The following STRADB variants were observed in gnomAD, a reference collection of about 807,000 sequenced individuals.
STRADB encodes the protein STE20 related adaptor beta.
In STRADB, 34 loss-of-function variants were observed where a neutral mutation model predicts 52.1. That is an observed-to-expected ratio of 0.65 (90% CI 0.50 to 0.87). The LOEUF is 0.87. Among genes scored for constraint, STRADB ranks in the 40% least tolerant of loss-of-function variants. The pLI, the probability that STRADB is intolerant of heterozygous loss-of-function variation, is 0.00. For synonymous variants in STRADB, 133 were observed against 174.5 expected (o/e 0.76, Z 1.87); for missense variants, 340 against 483.9 (o/e 0.70, Z 2.79).
intron 1 of STRADB, among the ~76,000 whole-genome samples, chr2:201,452,819 A>G (rs142457366): frequency 6.6e-6 from 1 of 152,368 alleles, no homozygotes; most frequent in Admixed American, 6.5e-5. Context: ...CTTTCAGATC[A>G]AAGTCTTCAC....
At chr2:201,471,601 T>C (rs1952390204) in intron 4 of STRADB, among the ~76,000 whole-genome samples, 1 of 152,204 alleles carries the variant, frequency 6.6e-6, no homozygotes, top group Non-Finnish European at 1.5e-5. Context: ...AACCAGATCT[T>C]TCTGACTGTA....
chr2:201,468,699 G>A (rs771010962), intron 3 of STRADB, among the ~76,000 whole-genome samples: 25 of 152,244 alleles, frequency 1.6e-4, no homozygotes, highest in South Asian at 4.1e-4. Context: ...ACATTATGCC[G>A]TTTTTTTCCA....
rs1952042608 is a variant in STRADB, at chr2:201,451,745, C to CG, written c.-289_-288insG. 5.3e-5 allele frequency: 8 copies of CG among 152,018 alleles called. No individual in the cohort carries two copies. Among genetic ancestry groups the CG allele is most frequent in the Non-Finnish European group, 7.4e-5 (5 of 67,974 alleles). 9.4% of individuals were successfully genotyped at this position (152,018 alleles called of 1,614,324 possible). On this transcript the variant is annotated 5_prime_UTR_variant, in exon 1 of 12. Transcript: ENST00000194530. ...GGCGCGGGTGGGGCGAATGCGTTCCCAGCGGGTAGCCTGGGACTGGTGCAG... is the reference window on the plus strand; with the variant it reads ...GGCGCGGGTGGGGCGAATGCGTTCCCGAGCGGGTAGCCTGGGACTGGTGCAG...
At chr2:201,469,637 A>G (rs1952358478) in intron 3 of STRADB, among the ~76,000 whole-genome samples, 2 of 152,198 alleles carry the variant, frequency 1.3e-5, no homozygotes, top group African/African-American at 4.8e-5. Flanking sequence ...TTCGCTTGGT[A>G]CATTTGTCAG....
chr2:201,479,551 G>A lies in STRADB; in HGVS notation c.1113+20G>A, dbSNP rs930317473. 6 of 1,589,082 alleles carry A rather than the reference G, an allele frequency of 3.8e-6. No homozygotes were observed. The highest frequency in any genetic ancestry group is 2.3e-5 in the East Asian group (1 of 44,196). On this transcript the variant is annotated intron_variant, in intron 11 of 11. Coordinates refer to ENST00000194530, the MANE Select transcript of STRADB (RefSeq NM_018571.6). ...AAACAGGTGAGCTGATCTATCATCC[G>A]TTGTCTCGATGTTTTTAATTACTAT...
Position 201,478,203 on chromosome 2 carries a change from T to C in STRADB, c.825+12T>C. 3 of 1,605,426 alleles carry C rather than the reference T, an allele frequency of 1.9e-6. No individual in the cohort carries two copies. Among genetic ancestry groups the C allele is most frequent in the Non-Finnish European group, 1.7e-6 (2 of 1,176,716 alleles). On this transcript the variant is annotated intron_variant, in intron 9 of 11. Coordinates refer to ENST00000194530, the MANE Select transcript of STRADB (RefSeq NM_018571.6). Reference sequence around the variant, plus strand: ...TGCATAGAACTCAGGTAAGTGCTGCTAAAATCCCTGAGCTACTTGCCTTTC... The same window carrying C: ...TGCATAGAACTCAGGTAAGTGCTGCCAAAATCCCTGAGCTACTTGCCTTTC...
chr2:201,478,025 T>C, intron 8 of STRADB, 62 bp from the exon 9 acceptor site: 2 of 1,410,442 alleles, frequency 1.4e-6, no homozygotes, highest in East Asian at 2.3e-5. Flanking sequence ...AAAAAGCACA[T>C]GTGTATAACT....
intron 3 of STRADB, among the ~76,000 whole-genome samples, chr2:201,466,917 A>G (rs1952313230): frequency 1.3e-5 from 2 of 152,202 alleles, no homozygotes; most frequent in Non-Finnish European, 2.9e-5. Context: ...AGAAACATAC[A>G]GAAAGGTATG....
intron 3 of STRADB, among the ~76,000 whole-genome samples, chr2:201,460,111 T>G (rs1448771487): frequency 6.6e-6 from 1 of 152,308 alleles, no homozygotes; most frequent in East Asian, 1.9e-4. Context: ...TAATTTTGCT[T>G]ATAATTTAAC....
chr2:201,476,108 T>A lies in STRADB; in HGVS notation c.548+366T>A, dbSNP rs540693645. Reference sequence around the variant, plus strand: ...TTTAAGCAAATGAAGAGCTTCATTATCTGCTTTCCATCTTATGCATAAATT... The same window carrying A: ...TTTAAGCAAATGAAGAGCTTCATTAACTGCTTTCCATCTTATGCATAAATT... On this transcript the variant is annotated intron_variant, in intron 7 of 11. Coordinates refer to ENST00000194530, the MANE Select transcript of STRADB (RefSeq NM_018571.6). 8.5e-5 allele frequency among the ~76,000 whole-genome samples: 13 copies of A among 152,340 alleles called. No individual in the cohort carries two copies. The South Asian group carries it at 2.5e-3, about 29-fold the overall frequency.
chr2:201,475,877 G>T, intron 7 of STRADB, 135 bp downstream of exon 7: 1 of 906,096 alleles, frequency 1.1e-6, no homozygotes, highest in African/African-American at 1.7e-5. Context: ...GGGAGGAAGG[G>T]ACCATTAGGT....
chr2:201,464,381 TGA>T (rs572640006), intron 3 of STRADB, among the ~76,000 whole-genome samples: 247 of 152,256 alleles, frequency 1.6e-3, no homozygotes, highest in African/African-American at 5.6e-3. Flanking sequence ...GGGTAAGGTC[TGA>T]GAGAATTACC....
At chr2:201,478,857 T>A (rs1448867180) in intron 10 of STRADB, among the ~76,000 whole-genome samples, 2 of 151,962 alleles carry the variant, frequency 1.3e-5, no homozygotes, top group Non-Finnish European at 2.9e-5. Flanking sequence ...GTGGATTGCC[T>A]GAGGTCAGGA....
Position 201,480,650 on chromosome 2 carries a change from T to C in STRADB, c.*475T>C, listed in dbSNP as rs1485002894. The C allele has an allele frequency of 1.0e-6, 1 of 988,166 alleles. No individual in the cohort carries two copies. Among genetic ancestry groups the C allele is most frequent in the Non-Finnish European group, 1.2e-6 (1 of 831,352 alleles). The allele number at this position is 988,166 out of a possible 1,614,324, so 61.2% of individuals were successfully genotyped here. ...AGAGGGAAAATGTTTGTGCTTTCCCTTTTTCTTCTGTTAATACTTATGGTA... is the reference window on the plus strand; with the variant it reads ...AGAGGGAAAATGTTTGTGCTTTCCCCTTTTCTTCTGTTAATACTTATGGTA... On this transcript the variant is annotated 3_prime_UTR_variant, in exon 12 of 12. Coordinates refer to ENST00000194530, the MANE Select transcript of STRADB (RefSeq NM_018571.6).
chr2:201,467,977 T>G (rs1181994325), intron 3 of STRADB, among the ~76,000 whole-genome samples: 1 of 151,932 alleles, frequency 6.6e-6, no homozygotes, highest in African/African-American at 2.4e-5. Context: ...TTTTGTTTTT[T>G]TTTTTAACTT....
intron 2 of STRADB, 126 bp downstream of exon 2, chr2:201,454,978 T>C (rs1952105559): frequency 2.5e-6 from 2 of 798,656 alleles, no homozygotes; most frequent in South Asian, 2.6e-5. Flanking sequence ...TTTGACCTGA[T>C]TGACTTCTGG....
chr2:201,466,329 A>G (rs1295701075), intron 3 of STRADB, among the ~76,000 whole-genome samples: 1 of 152,206 alleles, frequency 6.6e-6, no homozygotes, highest in East Asian at 1.9e-4. Context: ...TAATTTAAGG[A>G]TTGAAATGTC....
intron 8 of STRADB, 57 bp downstream of exon 8, chr2:201,477,847 C>G (rs1221769255): frequency 2.3e-5 from 37 of 1,586,642 alleles, no homozygotes; most frequent in Non-Finnish European, 8.6e-7. Context: ...CTGAGTTTGG[C>G]TAAAGTACAG....
intron 5 of STRADB, among the ~76,000 whole-genome samples, chr2:201,473,387 C>T (rs928275815): frequency 3.2e-4 from 49 of 152,108 alleles, no homozygotes; most frequent in African/African-American, 1.0e-3. Context: ...GTGTAGGAGG[C>T]GGTCAGGGGA....
Sources: gnomAD v4.1 joint callset for allele counts (sites outside exome capture counted in the v4.1 genomes callset) on GRCh38, gnomAD v4.1.1 for gene constraint, MANE v1.5 for transcripts, NCBI Gene and HGNC (gene_info 2026-07-23, HGNC 2026-07-21) for gene names.